Variants in TRIM49 observed in about 807,000 individuals in gnomAD.
TRIM49 encodes the protein tripartite motif-containing protein 49.
In TRIM49, 5 loss-of-function variants were observed where a neutral mutation model predicts 27.4. The ratio of observed to expected loss-of-function variants is 0.18; its 90% CI spans 0.10 to 0.38. The LOEUF (loss-of-function observed/expected upper bound fraction) is 0.38, where lower values mean the gene tolerates loss of function less well. TRIM49 is among the 10% of genes least tolerant of loss of function. The pLI, the probability that TRIM49 is intolerant of heterozygous loss-of-function variation, is 1.00. For synonymous variants in TRIM49, 69 were observed against 166.0 expected (o/e 0.42, Z 4.49); for missense variants, 188 against 487.5 (o/e 0.39, Z 5.79).
downstream of TRIM49, among the ~76,000 whole-genome samples, chr11:89,796,450 G>A (rs1949689806): frequency 7.4e-6 from 1 of 135,298 alleles, no homozygotes; most frequent in Non-Finnish European, 1.5e-5. Context: ...TGCCTCCACT[G>A]GTCTGGAACT....
the TRIM49 span, among the ~76,000 whole-genome samples, chr11:89,785,360 T>C: frequency 6.9e-6 from 1 of 143,972 alleles, no homozygotes; most frequent in South Asian, 2.2e-4. Context: ...ATACTTAACA[T>C]GCCAGTGGAA....
At chr11:89,768,574 G>T in the TRIM49 span, among the ~76,000 whole-genome samples, 2 of 135,544 alleles carry the variant, frequency 1.5e-5, 1 homozygote, top group Non-Finnish European at 3.0e-5. Flanking sequence ...CTTCTGCATT[G>T]AACTCTTCAA....
chr11:89,796,447 A>C (rs1338331387), downstream of TRIM49, among the ~76,000 whole-genome samples: 1 of 135,492 alleles, frequency 7.4e-6, no homozygotes, highest in East Asian at 2.3e-4. Flanking sequence ...TGTTGCCTCC[A>C]CTGGTCTGGA....
chr11:89,768,145 C>T, the TRIM49 span: 93 of 1,025,098 alleles, frequency 9.1e-5, 4 homozygotes, highest in Non-Finnish European at 1.3e-4. Context: ...AAAACCATAA[C>T]TGAAGGCATT....
chr11:89,796,919 A>G (rs1949694093), downstream of TRIM49, among the ~76,000 whole-genome samples: 1 of 150,134 alleles, frequency 6.7e-6, no homozygotes, highest in South Asian at 2.1e-4. Context: ...AGTTGACTAT[A>G]TTTTAGAATT....
the TRIM49 span, among the ~76,000 whole-genome samples, chr11:89,784,686 A>G: frequency 4.9e-5 from 7 of 143,240 alleles, 1 homozygote; most frequent in African/African-American, 1.1e-4. Flanking sequence ...TCTATGCAGC[A>G]GTCAATGCCT....
downstream of TRIM49, among the ~76,000 whole-genome samples, chr11:89,796,638 A>G (rs1381782041): frequency 7.4e-5 from 11 of 147,988 alleles, no homozygotes; most frequent in African/African-American, 2.5e-4. Flanking sequence ...AAGAGCTTAC[A>G]ATTACCAATA....
the TRIM49 span, chr11:89,766,691 C>G: frequency 6.5e-7 from 1 of 1,527,650 alleles, no homozygotes; most frequent in South Asian, 1.2e-5. Context: ...TCAAAAAACT[C>G]ACACTTCCAC....
downstream of TRIM49, among the ~76,000 whole-genome samples, chr11:89,796,580 T>C (rs1236014622): frequency 6.8e-6 from 1 of 147,308 alleles, no homozygotes; most frequent in Non-Finnish European, 1.5e-5. Context: ...ACATTTTGGG[T>C]CTTAAAAGTT....
chr11:89,792,501 A>T, the TRIM49 span, among the ~76,000 whole-genome samples: 670 of 151,866 alleles, frequency 4.4e-3, 4 homozygotes, highest in African/African-American at 0.015. Flanking sequence ...GAAGTAAAGC[A>T]CTCCTCAGCA....
chr11:89,790,372 C>T, the TRIM49 span, among the ~76,000 whole-genome samples: 1 of 148,014 alleles, frequency 6.8e-6, no homozygotes, highest in African/African-American at 2.5e-5. Context: ...CCGCTGCAGA[C>T]TTAAATGTCC....
intron 6 of TRIM49, 107 bp downstream of exon 6, chr11:89,800,859 A>G (rs1045442415): frequency 1.2e-5 from 8 of 656,976 alleles, no homozygotes; most frequent in Admixed American, 1.2e-4. Flanking sequence ...GATGCAAAAA[A>G]AAGTGGTATC....
chr11:89,776,732 A>G, the TRIM49 span, among the ~76,000 whole-genome samples: 1 of 152,072 alleles, frequency 6.6e-6, no homozygotes, highest in Admixed American at 6.5e-5. Flanking sequence ...AGACTTGAAC[A>G]TCTTAGGATC....
chr11:89,785,964 A>T, the TRIM49 span: 1 of 139,560 alleles, frequency 7.2e-6, no homozygotes, highest in Non-Finnish European at 1.5e-5. Context: ...GCTGGCTGGG[A>T]CTCGGCCGCA....
At chr11:89,785,373 T>C in the TRIM49 span, among the ~76,000 whole-genome samples, 1 of 143,610 alleles carries the variant, frequency 7.0e-6, no homozygotes, top group Admixed American at 6.8e-5. Flanking sequence ...CAGTGGAAGA[T>C]GAAATTCTAA....
chr11:89,773,554 T>C, the TRIM49 span, among the ~76,000 whole-genome samples: 61 of 129,120 alleles, frequency 4.7e-4, 9 homozygotes, highest in African/African-American at 1.6e-3. Flanking sequence ...GTAATCCCAG[T>C]TAATGTTTTA....
chr11:89,777,704 A>G, the TRIM49 span, among the ~76,000 whole-genome samples: 1 of 150,806 alleles, frequency 6.6e-6, no homozygotes, highest in Non-Finnish European at 1.5e-5. Context: ...CAGAAAATTG[A>G]TGATATTATC....
In TRIM49 at chr11:89,807,829, T is replaced by C. The variant is rs1290675818; in HGVS notation, c.-190-545A>G. ...AAGAGTACAGGTATAAACCACCTCA[T>C]CCAGCTTAAATGCTGCTTTAGTACA... is the stretch of plus-strand genomic sequence containing the variant. On this transcript the variant is annotated intron_variant, in intron 1 of 7. Coordinates refer to ENST00000329758, the MANE Select transcript of TRIM49 (RefSeq NM_020358.2). Among the ~76,000 whole-genome samples the C allele has an allele frequency of 3.4e-5, 5 of 149,206 alleles. 1 individual carries two copies. The highest frequency in any genetic ancestry group is 2.0e-4 in the East Asian group (1 of 5,124).
the TRIM49 span, among the ~76,000 whole-genome samples, chr11:89,791,359 C>T: frequency 6.6e-6 from 1 of 152,140 alleles, no homozygotes; most frequent in South Asian, 2.1e-4. Flanking sequence ...CCTAGCAAGG[C>T]AGGCCAACAT....
Sources: allele counts gnomAD v4.1 joint callset (sites outside exome capture counted in the v4.1 genomes callset), GRCh38; gene constraint gnomAD v4.1.1; transcripts MANE v1.5; gene names NCBI Gene and HGNC (gene_info 2026-07-23, HGNC 2026-07-21).